The following RARB variants were observed in gnomAD, a reference collection of about 807,000 sequenced individuals.
RARB encodes the protein retinoic acid receptor beta, also known as HBV-activated protein.
A neutral mutation model predicts 51.9 loss-of-function variants in RARB; 17 were observed. The observed-to-expected ratio is 0.33, with a 90% CI of 0.22 to 0.49. The LOEUF (loss-of-function observed/expected upper bound fraction) is 0.49. RARB is among the 20% of genes least tolerant of loss of function. The pLI is 0.99. For synonymous variants in RARB, 215 were observed against 195.4 expected, an observed-to-expected ratio of 1.10 and a Z score of -0.84; for missense variants, 369 against 550.8, an observed-to-expected ratio of 0.67 and a Z score of 3.30.
intron 2 of RARB, among the ~76,000 whole-genome samples, chr3:24,931,617 C>T (rs1242691381): frequency 6.6e-6 from 1 of 152,084 alleles, no homozygotes; most frequent in Non-Finnish European, 1.5e-5. Flanking sequence ...TGTGGTACAG[C>T]AGACTGATAG....
chr3:25,116,438 AAC>A (rs1553634509), intron 3 of RARB, among the ~76,000 whole-genome samples: 7 of 152,244 alleles, frequency 4.6e-5, no homozygotes, highest in Admixed American at 4.6e-4. Flanking sequence ...TTACAAAAAA[AAC>A]GAGTCGAGAA....
At chr3:25,089,288 T>A (rs1432930332) in intron 3 of RARB, among the ~76,000 whole-genome samples, 1 of 152,122 alleles carries the variant, frequency 6.6e-6, no homozygotes, top group Non-Finnish European at 1.5e-5. Flanking sequence ...AGTATGTGTT[T>A]TTCAAATAAT....
intron 5 of RARB, among the ~76,000 whole-genome samples, chr3:25,405,462 G>C (rs1047313623): frequency 6.6e-6 from 1 of 152,194 alleles, no homozygotes; most frequent in African/African-American, 2.4e-5. Context: ...GTTTGGTGAT[G>C]TGGAAATACA....
intron 2 of RARB, among the ~76,000 whole-genome samples, chr3:24,960,781 G>A (rs1349221274): frequency 1.3e-5 from 2 of 150,958 alleles, no homozygotes; most frequent in South Asian, 4.2e-4. Flanking sequence ...TTTTAACTTT[G>A]GTGTGTCGCA....
At chr3:25,281,215 A>G (rs1172787103) in intron 5 of RARB, among the ~76,000 whole-genome samples, 1 of 152,204 alleles carries the variant, frequency 6.6e-6, no homozygotes, top group Non-Finnish European at 1.5e-5. Context: ...GAAATTTGGG[A>G]ATGGAGCCAG....
intron 5 of RARB, among the ~76,000 whole-genome samples, chr3:25,359,520 T>C (rs1056790585): frequency 1.3e-5 from 2 of 152,346 alleles, no homozygotes; most frequent in South Asian, 2.1e-4. Flanking sequence ...CTGCTAGCTT[T>C]TGAATGTGTT....
At position 25,569,981 on chromosome 3, in the gene RARB, GACACACACACACAC is replaced by G. The variant is rs56255512; in HGVS notation, c.609+90_609+103del. The G allele has an allele frequency of 3.9e-3, 4,206 of 1,067,958 alleles. 16 individuals are homozygous for G. The highest frequency in any genetic ancestry group is 0.025 in the African/African-American group (1,546 of 62,508). 66.2% of individuals were successfully genotyped at this position (1,067,958 alleles called of 1,614,324 possible). On this transcript the variant is annotated intron_variant, in intron 4 of 7. Transcript: ENST00000330688. ...GAAACCTTGTACGTGCATGTGTGCA[GACACACACACACAC>G]ACACACACACACACACACACACACA...
Position 25,431,815 on chromosome 3 carries a change from G to A in RARB, c.157+2927G>A, listed in dbSNP as rs535252479. Reference sequence around the variant, plus strand: ...TATTTTTAAAACAACCAGTAGTGATGTTTGATTAGGGAATGAGAAAAGGCC... The same window carrying A: ...TATTTTTAAAACAACCAGTAGTGATATTTGATTAGGGAATGAGAAAAGGCC... On this transcript the variant is annotated intron_variant, in intron 1 of 7. Transcript: ENST00000330688. Among the ~76,000 whole-genome samples the A allele has an allele frequency of 6.6e-5, 10 of 152,236 alleles. No homozygotes were observed. In the South Asian group the frequency reaches 2.1e-3, roughly 32 times the overall value.
At chr3:25,155,728 C>T (rs184457754) in intron 4 of RARB, among the ~76,000 whole-genome samples, 146 of 152,314 alleles carry the variant, frequency 9.6e-4, no homozygotes, top group Non-Finnish European at 1.9e-3. Context: ...ACTCTTTCCA[C>T]ATGACTGTTG....
At chr3:24,977,235 G>C (rs1696537273) in intron 2 of RARB, among the ~76,000 whole-genome samples, 1 of 152,098 alleles carries the variant, frequency 6.6e-6, no homozygotes, top group African/African-American at 2.4e-5. Flanking sequence ...GATTGACTTG[G>C]CTATATGGGC....
chr3:24,875,336 C>G (rs1703022271), intron 2 of RARB, among the ~76,000 whole-genome samples: 1 of 152,092 alleles, frequency 6.6e-6, no homozygotes. Context: ...TATAGATGAT[C>G]TGATGTGGTC....
chr3:24,872,192 T>G (rs1702960863), intron 2 of RARB, among the ~76,000 whole-genome samples: 1 of 152,144 alleles, frequency 6.6e-6, no homozygotes, highest in South Asian at 2.1e-4. Flanking sequence ...CATACCCCCT[T>G]TCTGATTTCC....
chr3:24,889,528 T>C (rs977565119), intron 2 of RARB, among the ~76,000 whole-genome samples: 6 of 152,190 alleles, frequency 3.9e-5, no homozygotes, highest in Non-Finnish European at 8.8e-5. Context: ...TGAAATTATA[T>C]GGTACACATC....
chr3:25,414,282 A>G (rs1487265462), intron 5 of RARB, among the ~76,000 whole-genome samples: 1 of 152,182 alleles, frequency 6.6e-6, no homozygotes. Flanking sequence ...GAAGCTTTCC[A>G]TTGTATGGAT....
chr3:25,063,452 C>T (rs1179862705), intron 3 of RARB, among the ~76,000 whole-genome samples: 1 of 151,908 alleles, frequency 6.6e-6, no homozygotes, highest in Non-Finnish European at 1.5e-5. Context: ...GGGCTACCTT[C>T]TATTTGAAGT....
intron 5 of RARB, among the ~76,000 whole-genome samples, chr3:25,217,974 CT>C (rs1054314046): frequency 5.3e-5 from 8 of 152,178 alleles, no homozygotes; most frequent in South Asian, 2.1e-4. Context: ...ATGGTTCTCT[CT>C]TTTTTTAAAA....
intron 3 of RARB, among the ~76,000 whole-genome samples, chr3:25,529,938 G>A (rs374086462): frequency 5.3e-5 from 8 of 152,020 alleles, no homozygotes; most frequent in African/African-American, 7.2e-5. Flanking sequence ...CTATTTTCTC[G>A]GGTTAGGGTC....
intron 2 of RARB, among the ~76,000 whole-genome samples, chr3:24,872,724 A>T (rs982608664): frequency 1.3e-5 from 2 of 152,166 alleles, no homozygotes; most frequent in Admixed American, 1.3e-4. Context: ...CCCATGACCC[A>T]AACTTCTACC....
At chr3:25,025,700 T>C (rs1188067765) in intron 2 of RARB, among the ~76,000 whole-genome samples, 1 of 152,158 alleles carries the variant, frequency 6.6e-6, no homozygotes, top group East Asian at 1.9e-4. Context: ...CACTGTAGCC[T>C]GGTATCCTGG....
Sources: gnomAD v4.1 joint callset for allele counts (sites outside exome capture counted in the v4.1 genomes callset) on GRCh38, gnomAD v4.1.1 for gene constraint, MANE v1.5 for transcripts, NCBI Gene and HGNC (gene_info 2026-07-23, HGNC 2026-07-21) for gene names.